The following SAG variants were observed in gnomAD, a reference collection of about 807,000 sequenced individuals.
The protein encoded by SAG is S-arrestin.
SAG carries 45 observed loss-of-function variants against 55.0 expected under a neutral mutation model. The ratio of observed to expected loss-of-function variants is 0.82; its 90% CI spans 0.64 to 1.05. The LOEUF is 1.05. Ranked by LOEUF, SAG falls within the 50% of genes least tolerant of loss-of-function variation. SAG has a pLI of 0.00. For synonymous variants in SAG, 189 were observed against 197.4 expected (o/e 0.96, Z 0.36); for missense variants, 455 against 512.1 (o/e 0.89, Z 1.08).
At position 233,340,353 on chromosome 2, in the gene SAG, C is replaced by T; in HGVS notation, c.1023-102C>T. 2.1e-6 allele frequency: 2 copies of T among 947,834 alleles called. No homozygotes were observed. Among genetic ancestry groups the T allele is most frequent in the East Asian group, 5.1e-5 (2 of 39,138 alleles). The allele number at this position is 947,834 out of a possible 1,614,324, so 58.7% of individuals were successfully genotyped here. A position where few individuals can be genotyped will look rare whatever the true frequency, so the allele number is the denominator to read the frequency against. Reference sequence around the variant, plus strand: ...ACCCTGGATGTTGTGAGTTCGGGTGCAAGGGCCATGAGAGCTGGGCTGTGT... The same window carrying T: ...ACCCTGGATGTTGTGAGTTCGGGTGTAAGGGCCATGAGAGCTGGGCTGTGT... On this transcript the variant is annotated intron_variant, in intron 12 of 15. Coordinates refer to ENST00000409110, the MANE Select transcript of SAG (RefSeq NM_000541.5). This position sits in a 1 kb window ranked among gnomAD's most constrained non-coding sequence, Gnocchi z 4.2.
intron 2 of SAG, among the ~76,000 whole-genome samples, chr2:233,310,444 G>A (rs1358160533): frequency 1.3e-5 from 2 of 151,240 alleles, no homozygotes; most frequent in Non-Finnish European, 2.9e-5. Flanking sequence ...TATTTCAGGT[G>A]TCCGGGAGCC....
chr2:233,323,668 G>A (rs1211964713), intron 6 of SAG, among the ~76,000 whole-genome samples: 3 of 152,178 alleles, frequency 2.0e-5, no homozygotes, highest in Non-Finnish European at 2.9e-5. Context: ...CGGCCCATTA[G>A]ACTTTTAAAG....
In SAG at chr2:233,331,660, G is replaced by A; in HGVS notation, c.754G>A (p.Val252Ile). 1 of 1,613,710 alleles carries A rather than the reference G, an allele frequency of 6.2e-7. No individual in the cohort carries two copies. Among genetic ancestry groups the A allele is most frequent in the Non-Finnish European group, 8.5e-7 (1 of 1,179,662 alleles). ...KAFVEQVANV[V>I]LYSSDYYVKP... is the part of the protein sequence containing the mutation. Reference sequence around the variant, plus strand: ...TGCAGTGGAACAGGTGGCCAATGTGGTTCTCTACTCGAGTGATTATTACGT... The same window carrying A: ...TGCAGTGGAACAGGTGGCCAATGTGATTCTCTACTCGAGTGATTATTACGT... The change falls in exon 10 of 16, where the codon GTT becomes ATT. Residue 252 changes from valine (V) to isoleucine (I), a missense_variant. Val to Ile is a conservative substitution (Grantham distance 29). Transcript: ENST00000409110.
chr2:233,309,137 T>G, intron 1 of SAG, 25 bp from the exon 2 acceptor site: 1 of 1,444,320 alleles, frequency 6.9e-7, no homozygotes, highest in Non-Finnish European at 9.7e-7. Context: ...TCTCCAACCC[T>G]CTAACACCTG....
chr2:233,322,098 A>C (rs1700401719), intron 5 of SAG, among the ~76,000 whole-genome samples: 1 of 149,306 alleles, frequency 6.7e-6, no homozygotes, highest in Non-Finnish European at 1.5e-5. Context: ...GAGGCAGGAG[A>C]ATGGTGTGAA....
At position 233,319,039 on chromosome 2, in the gene SAG, AT is replaced by A. The variant is rs1341056281; in HGVS notation, c.181+245del. ...ATTGTCCAGGGTGGCAGATAAGTAG[AT>A]GGTAGACGGAGCCCAGGTCTGTGGC... On this transcript the variant is annotated intron_variant, in intron 4 of 15. Transcript: ENST00000409110. The surrounding 1 kb of genome is among the most constrained non-coding windows in gnomAD (Gnocchi z 4.4). 3 of 692,990 alleles carry A rather than the reference AT, an allele frequency of 4.3e-6. No homozygotes were observed. The Admixed American group carries it at 6.1e-5, about 14-fold the overall frequency. The allele number at this position is 692,990 out of a possible 1,614,324, so 42.9% of individuals were successfully genotyped here. A position where few individuals can be genotyped will look rare whatever the true frequency, so the allele number is the denominator to read the frequency against.
At chr2:233,311,782 C>G (rs192996799) in intron 2 of SAG, among the ~76,000 whole-genome samples, 216 of 152,320 alleles carry the variant, frequency 1.4e-3, no homozygotes, top group African/African-American at 5.0e-3. Context: ...AGTCATTGGT[C>G]TGGCTGTGTG....
chr2:233,346,338 G>C (rs1701251880), intron 14 of SAG, 65 bp from the exon 15 acceptor site: 1 of 1,554,362 alleles, frequency 6.4e-7, no homozygotes, highest in Non-Finnish European at 8.9e-7. Flanking sequence ...CTATGATATA[G>C]AATTTAGACT....
At chr2:233,311,891 C>T (rs1700084322) in intron 2 of SAG, among the ~76,000 whole-genome samples, 1 of 152,128 alleles carries the variant, frequency 6.6e-6, no homozygotes, top group African/African-American at 2.4e-5. Flanking sequence ...TTTGGGAGGC[C>T]AAGGCAGGTG....
At chr2:233,332,214 G>T (rs1389284680) in intron 10 of SAG, 1 of 158,874 alleles carries the variant, frequency 6.3e-6, no homozygotes, top group African/African-American at 2.4e-5. Flanking sequence ...AAACAAATGA[G>T]AATCCTGCCA....
intron 6 of SAG, among the ~76,000 whole-genome samples, chr2:233,326,675 G>A (rs1005066680): frequency 6.6e-6 from 1 of 152,132 alleles, no homozygotes; most frequent in African/African-American, 2.4e-5. Context: ...GGTGACCATG[G>A]GGGTCAGGGT....
intron 10 of SAG, chr2:233,332,179 G>T (rs76164906): frequency 6.2e-6 from 1 of 161,422 alleles, no homozygotes; most frequent in African/African-American, 2.4e-5. Context: ...TGTTGTGAAT[G>T]ACTTTTCCCC....
chr2:233,319,150 A>G lies in SAG; in HGVS notation c.181+355A>G, dbSNP rs1376762807. 1 of 441,304 alleles carries G rather than the reference A, an allele frequency of 2.3e-6. No homozygotes were observed. The allele number at this position is 441,304 out of a possible 1,614,324, so 27.3% of individuals were successfully genotyped here. Reference sequence around the variant, plus strand: ...AGGGTGCCTGGGGTGCCTAGGACTCAGGAGGACACAAGACCTTGAATGAAT... The same window carrying G: ...AGGGTGCCTGGGGTGCCTAGGACTCGGGAGGACACAAGACCTTGAATGAAT... On this transcript the variant is annotated intron_variant, in intron 4 of 15. Transcript: ENST00000409110. This position sits in a 1 kb window ranked among gnomAD's most constrained non-coding sequence, Gnocchi z 4.4.
chr2:233,331,660 G>C lies in SAG; in HGVS notation c.754G>C (p.Val252Leu). 6.2e-7 allele frequency: 1 copy of C among 1,613,710 alleles called. No homozygotes were observed. The highest frequency in any genetic ancestry group is 8.5e-7 in the Non-Finnish European group (1 of 1,179,662). The stretch of plus-strand genomic sequence containing the variant: ...TGCAGTGGAACAGGTGGCCAATGTG[G>C]TTCTCTACTCGAGTGATTATTACGT... ...KAFVEQVANVVLYSSDYYVKP... is the reference protein window; with the variant it reads ...KAFVEQVANVLLYSSDYYVKP... The change falls in exon 10 of 16, where the codon GTT (valine) becomes CTT (leucine). Residue 252 changes from valine (V) to leucine (L), a missense_variant. Val to Leu is a conservative substitution (Grantham distance 32). Transcript: ENST00000409110.
At chr2:233,322,185 CAAAAA>C (rs35197599) in intron 5 of SAG, among the ~76,000 whole-genome samples, 38 of 66,102 alleles carry the variant, frequency 5.7e-4, no homozygotes, top group African/African-American at 7.8e-4. Context: ...GACTCTGTCT[CAAAAA>C]AAAAAAAAAA....
intron 3 of SAG, among the ~76,000 whole-genome samples, chr2:233,318,489 T>C (rs1700279933): frequency 6.6e-6 from 1 of 152,166 alleles, no homozygotes; most frequent in African/African-American, 2.4e-5. Flanking sequence ...TGCCTTGGCC[T>C]CCCAAAGTAC....
At chr2:233,322,109 C>T (rs1258826908) in intron 5 of SAG, among the ~76,000 whole-genome samples, 3 of 148,358 alleles carry the variant, frequency 2.0e-5, no homozygotes, top group Non-Finnish European at 4.4e-5. Context: ...ATGGTGTGAA[C>T]CCGGAAGGCA....
At position 233,331,773 on chromosome 2, in the gene SAG, G is replaced by A. The variant is rs556855528; in HGVS notation, c.806+61G>A. 1.6e-4 allele frequency: 184 copies of A among 1,173,698 alleles called. 1 individual carries two copies. The South Asian group carries it at 1.9e-3, about 12-fold the overall frequency. 72.7% of individuals were successfully genotyped at this position (1,173,698 alleles called of 1,614,324 possible). A position where few individuals can be genotyped will look rare whatever the true frequency, so the allele number is the denominator to read the frequency against. ...CTCAGCCTTCTGTGTCAAGTTTCTC[G>A]CCGTTTATTGCTGAAGAAGGAACTA... is the stretch of plus-strand genomic sequence containing the variant. On this transcript the variant is annotated intron_variant, in intron 10 of 15. Coordinates refer to ENST00000409110, the MANE Select transcript of SAG (RefSeq NM_000541.5).
chr2:233,315,861 C>T (rs1417015796), intron 2 of SAG, among the ~76,000 whole-genome samples: 1 of 151,858 alleles, frequency 6.6e-6, no homozygotes, highest in African/African-American at 2.4e-5. Flanking sequence ...TGCCACCACG[C>T]CCAGCTAATT....
Sources: allele counts gnomAD v4.1 joint callset (sites outside exome capture counted in the v4.1 genomes callset), GRCh38; gene constraint gnomAD v4.1.1; non-coding constraint Gnocchi (gnomAD v3.1); transcripts MANE v1.5; gene names NCBI Gene and HGNC (gene_info 2026-07-23, HGNC 2026-07-21).